Variants in FAM114A1 observed in about 807,000 individuals in gnomAD.
FAM114A1 encodes the protein protein NOXP20.
Under a neutral mutation model 64.3 loss-of-function variants are expected in FAM114A1, and 62 were observed. The ratio of observed to expected loss-of-function variants is 0.96; its 90% CI spans 0.79 to 1.19. The LOEUF (loss-of-function observed/expected upper bound fraction) is 1.19, where lower values mean the gene tolerates loss of function less well. Among genes scored for constraint, FAM114A1 ranks in the 50% most tolerant of loss-of-function variants. FAM114A1 has a pLI of 0.00. For missense variants in FAM114A1, 645 were observed against 676.3 expected, an observed-to-expected ratio of 0.95 and a Z score of 0.51; for synonymous variants, 254 against 251.1, an observed-to-expected ratio of 1.01 and a Z score of -0.11.
At chr4:38,899,362 C>T (rs911082176) in intron 4 of FAM114A1, among the ~76,000 whole-genome samples, 3 of 152,016 alleles carry the variant, frequency 2.0e-5, no homozygotes, top group African/African-American at 7.3e-5. Context: ...ATCAACAGCT[C>T]CCTCATTGAC....
At chr4:38,917,723 A>T (rs1353015328) in intron 8 of FAM114A1, among the ~76,000 whole-genome samples, 1 of 152,190 alleles carries the variant, frequency 6.6e-6, no homozygotes, top group Non-Finnish European at 1.5e-5. Flanking sequence ...CAGCTGTGAA[A>T]CAGCCCCAGG....
intron 1 of FAM114A1, 165 bp downstream of exon 1, chr4:38,867,999 C>G (rs1399858735): frequency 2.5e-6 from 1 of 402,208 alleles, no homozygotes; most frequent in Non-Finnish European, 5.0e-6. Flanking sequence ...GAGGACCCGG[C>G]TCTGGGGTGA....
intron 14 of FAM114A1, among the ~76,000 whole-genome samples, chr4:38,942,697 C>T (rs1721664666): frequency 6.6e-6 from 1 of 152,140 alleles, no homozygotes; most frequent in Non-Finnish European, 1.5e-5. Flanking sequence ...AGGAGGATAA[C>T]AGTGTTCAAG....
chr4:38,900,227 A>T (rs897322601), intron 4 of FAM114A1, among the ~76,000 whole-genome samples: 18 of 39,028 alleles, frequency 4.6e-4, no homozygotes, highest in African/African-American at 1.1e-3. Flanking sequence ...GATTATTTTA[A>T]AAAAAAAAAA....
At chr4:38,932,518 A>G (rs1720737572) in intron 12 of FAM114A1, 144 bp downstream of exon 12, 1 of 863,668 alleles carries the variant, frequency 1.2e-6, no homozygotes, top group African/African-American at 1.7e-5. Flanking sequence ...TTTTGTTGAG[A>G]CGGGATCTCA....
intron 14 of FAM114A1, among the ~76,000 whole-genome samples, chr4:38,942,887 A>C (rs1273036671): frequency 9.2e-6 from 1 of 108,444 alleles, no homozygotes; most frequent in Non-Finnish European, 1.9e-5. Context: ...TGGGCCAAGA[A>C]AGTACACACA....
chr4:38,884,816 T>C (rs921373096), intron 3 of FAM114A1, among the ~76,000 whole-genome samples: 5 of 152,194 alleles, frequency 3.3e-5, no homozygotes, highest in African/African-American at 1.2e-4. Flanking sequence ...CCCTGATAGC[T>C]GGCATCAAGT....
intron 2 of FAM114A1, among the ~76,000 whole-genome samples, chr4:38,870,605 T>TA (rs1363918368): frequency 6.6e-6 from 1 of 152,182 alleles, no homozygotes; most frequent in Non-Finnish European, 1.5e-5. Flanking sequence ...TTCCTCTCCT[T>TA]AGAGTTTCCT....
intron 4 of FAM114A1, among the ~76,000 whole-genome samples, chr4:38,893,098 A>G (rs1716552291): frequency 6.6e-6 from 1 of 152,246 alleles, no homozygotes; most frequent in South Asian, 2.1e-4. Context: ...AAATTCAAGT[A>G]GAGGCGCCTG....
chr4:38,900,011 C>A (rs76877552), intron 4 of FAM114A1, among the ~76,000 whole-genome samples: 2 of 151,996 alleles, frequency 1.3e-5, no homozygotes, highest in South Asian at 4.1e-4. Context: ...GAGGCTGGCC[C>A]ACCTTCTGTT....
At chr4:38,904,994 A>C (rs1242033494) in intron 4 of FAM114A1, among the ~76,000 whole-genome samples, 1 of 152,212 alleles carries the variant, frequency 6.6e-6, no homozygotes, top group Non-Finnish European at 1.5e-5. Flanking sequence ...TGAGTCACAG[A>C]GAGGCTAGGT....
intron 12 of FAM114A1, among the ~76,000 whole-genome samples, chr4:38,933,169 T>G (rs1720805056): frequency 6.6e-6 from 1 of 152,182 alleles, no homozygotes; most frequent in African/African-American, 2.4e-5. Context: ...AGGATTTCTT[T>G]AGCAAGTGCA....
intron 3 of FAM114A1, among the ~76,000 whole-genome samples, chr4:38,888,027 T>C (rs1715984710): frequency 6.6e-6 from 1 of 152,196 alleles, no homozygotes; most frequent in Non-Finnish European, 1.5e-5. Flanking sequence ...AGAACCAAGT[T>C]GCTCCTTCAG....
Position 38,931,630 on chromosome 4 carries a change from T to A in FAM114A1, c.1323+18T>A, listed in dbSNP as rs1720650109. 6.2e-7 allele frequency: 1 copy of A among 1,605,574 alleles called. No homozygotes were observed. The highest frequency in any genetic ancestry group is 1.3e-5 in the African/African-American group (1 of 74,350). The stretch of plus-strand genomic sequence containing the variant: ...CCATAGAGGTAAATTCATTCTAGAT[T>A]GTCTGCCTACAAGGTAATAAGAGTG... On this transcript the variant is annotated intron_variant, in intron 11 of 14. Coordinates refer to ENST00000358869, the MANE Select transcript of FAM114A1 (RefSeq NM_138389.4).
chr4:38,922,131 G>A lies in FAM114A1; in HGVS notation c.946-639G>A, dbSNP rs538646026. ...TAATTTTTGTATTTGTAATAGAGACGGGGTTTCACCCTGTCGGCCAGGATG... is the reference window on the plus strand; with the variant it reads ...TAATTTTTGTATTTGTAATAGAGACAGGGTTTCACCCTGTCGGCCAGGATG... On this transcript the variant is annotated intron_variant, in intron 8 of 14. Transcript: ENST00000358869. Among the ~76,000 whole-genome samples, 17 of 152,228 alleles carry A rather than the reference G, an allele frequency of 1.1e-4. No individual in the cohort carries two copies. The South Asian group carries it at 2.1e-3, about 19-fold the overall frequency.
intron 4 of FAM114A1, among the ~76,000 whole-genome samples, chr4:38,896,945 A>G (rs761119057): frequency 6.6e-6 from 1 of 152,218 alleles, no homozygotes; most frequent in Non-Finnish European, 1.5e-5. Context: ...GGGGTGCAAA[A>G]CATATAGACA....
chr4:38,915,746 TGTGTG>T (rs1015153383), intron 8 of FAM114A1, among the ~76,000 whole-genome samples: 2 of 32,146 alleles, frequency 6.2e-5, no homozygotes, highest in Non-Finnish European at 1.1e-4. Flanking sequence ...TCTATAGTGG[TGTGTG>T]TGTGTGTGTG....
chr4:38,920,051 A>G (rs1719438965), intron 8 of FAM114A1, among the ~76,000 whole-genome samples: 1 of 152,134 alleles, frequency 6.6e-6, no homozygotes, highest in East Asian at 1.9e-4. Context: ...TCTACAAAAA[A>G]TACAAAAATT....
intron 8 of FAM114A1, among the ~76,000 whole-genome samples, chr4:38,919,486 A>G (rs1401226553): frequency 6.6e-6 from 1 of 152,194 alleles, no homozygotes. Flanking sequence ...CACTGTCAGG[A>G]GCACAGCCTA....
Sources: allele counts gnomAD v4.1 joint callset (sites outside exome capture counted in the v4.1 genomes callset), GRCh38; gene constraint gnomAD v4.1.1; transcripts MANE v1.5; gene names NCBI Gene and HGNC (gene_info 2026-07-23, HGNC 2026-07-21).